P4HA1: variants seen among roughly 807,000 people sequenced by gnomAD.
P4HA1 encodes the protein prolyl 4-hydroxylase subunit alpha-1.
P4HA1 carries 24 observed loss-of-function variants against 72.8 expected under a neutral mutation model. That is an observed-to-expected ratio of 0.33 (90% CI 0.24 to 0.46). The LOEUF (loss-of-function observed/expected upper bound fraction) is 0.46, where lower values mean the gene tolerates loss of function less well. P4HA1 is among the 20% of genes least tolerant of loss of function. P4HA1 has a pLI of 1.00. For synonymous variants in P4HA1, 201 were observed against 218.8 expected (o/e 0.92, Z 0.72); for missense variants, 446 against 640.6 (o/e 0.70, Z 3.28).
At chr10:73,036,393 T>C (rs1840576707) in intron 9 of P4HA1, among the ~76,000 whole-genome samples, 1 of 151,930 alleles carries the variant, frequency 6.6e-6, no homozygotes, top group African/African-American at 2.4e-5. Flanking sequence ...CTCCAAAATA[T>C]AGTAACACTC....
rs756327809 is a variant in P4HA1, at chr10:73,046,967, A to T, written c.1035T>A (p.Ser345=). The change falls in exon 8 of 15, where the codon TCT becomes TCA. Residue 345 remains serine (S), a synonymous_variant. Coordinates refer to ENST00000394890, the MANE Select transcript of P4HA1 (RefSeq NM_001017962.3). ...CTTTGACGATTTCAATTTCTGCATCAGAAATAATATCATGGAAGCGAATAA... is the reference window on the plus strand; with the variant it reads ...CTTTGACGATTTCAATTTCTGCATCTGAAATAATATCATGGAAGCGAATAA... ...PRIIRFHDII[S]DAEIEIVKDL... is the part of the protein sequence containing the mutation. 2 of 1,612,928 alleles carry T rather than the reference A, an allele frequency of 1.2e-6. No homozygotes were observed. The highest frequency in any genetic ancestry group is 1.7e-6 in the Non-Finnish European group (2 of 1,179,292).
At chr10:73,086,752 G>A (rs1261640416) in intron 1 of P4HA1, among the ~76,000 whole-genome samples, 1 of 151,936 alleles carries the variant, frequency 6.6e-6, no homozygotes, top group African/African-American at 2.4e-5. Context: ...GGCCAACATG[G>A]TGAAACCCCA....
chr10:73,069,806 G>GTTTTTTTTTTTTTTTT (rs201651550), intron 4 of P4HA1, among the ~76,000 whole-genome samples: 2 of 147,420 alleles, frequency 1.4e-5, no homozygotes, highest in African/African-American at 5.2e-5. Flanking sequence ...ATAATCAACT[G>GTTTTTTTTTTTTTTTT]TTTTGTTTTT....
intron 10 of P4HA1, among the ~76,000 whole-genome samples, chr10:73,019,299 G>C (rs745993822): frequency 2.0e-5 from 3 of 152,000 alleles, no homozygotes; most frequent in African/African-American, 7.3e-5. Context: ...CAACAGAAGC[G>C]GAAAGTTTAA....
chr10:73,009,971 C>CTTTT, intron 13 of P4HA1, 68 bp from the exon 14 acceptor site: 4 of 653,304 alleles, frequency 6.1e-6, no homozygotes, highest in South Asian at 5.5e-5. Flanking sequence ...GTAGTTATTA[C>CTTTT]TTTTTTTTTT....
intron 8 of P4HA1, 89 bp from the exon 9 acceptor site, chr10:73,045,140 AAAG>A: frequency 9.7e-7 from 1 of 1,026,586 alleles, no homozygotes; most frequent in Non-Finnish European, 1.5e-6. Flanking sequence ...GGGTTTTTAC[AAAG>A]GAGGCTAAAA....
At chr10:73,071,755 AATG>A (rs1245052599) in intron 4 of P4HA1, among the ~76,000 whole-genome samples, 1 of 151,708 alleles carries the variant, frequency 6.6e-6, no homozygotes, top group Admixed American at 6.6e-5. Flanking sequence ...CTAAAATAAA[AATG>A]ATTACCCTCA....
intron 6 of P4HA1, 29 bp downstream of exon 6, chr10:73,053,322 T>C (rs1326254481): frequency 6.2e-7 from 1 of 1,607,242 alleles, no homozygotes; most frequent in East Asian, 2.2e-5. Context: ...AATATAACTA[T>C]AACCTTAAAT....
chr10:73,093,907 T>TATATATACATAC (rs1256283876), intron 1 of P4HA1, among the ~76,000 whole-genome samples: 3 of 55,594 alleles, frequency 5.4e-5, no homozygotes, highest in Non-Finnish European at 8.9e-5. Context: ...TATATATATA[T>TATATATACATAC]ACACACACAC....
At chr10:73,024,231 C>T (rs1230525142) in intron 10 of P4HA1, among the ~76,000 whole-genome samples, 2 of 152,202 alleles carry the variant, frequency 1.3e-5, no homozygotes, top group Non-Finnish European at 2.9e-5. Flanking sequence ...AAACTGACCA[C>T]ATAATTGGAA....
At chr10:73,077,301 CTT>C (rs777986557) in intron 1 of P4HA1, among the ~76,000 whole-genome samples, 2 of 152,204 alleles carry the variant, frequency 1.3e-5, no homozygotes, top group African/African-American at 2.4e-5. Flanking sequence ...GTTGTCTAAA[CTT>C]TTAACTCTGA....
At chr10:73,087,255 G>A (rs1394411734) in intron 1 of P4HA1, among the ~76,000 whole-genome samples, 1 of 147,542 alleles carries the variant, frequency 6.8e-6, no homozygotes, top group Non-Finnish European at 1.5e-5. Context: ...TACTAATGAT[G>A]TTTAATGCCT....
chr10:73,020,846 G>A (rs879686501), intron 10 of P4HA1, among the ~76,000 whole-genome samples: 7 of 152,158 alleles, frequency 4.6e-5, no homozygotes, highest in African/African-American at 1.7e-4. Context: ...AAAAAATTCA[G>A]CATCCTGGCC....
At chr10:73,046,557 T>C (rs1840870084) in intron 8 of P4HA1, among the ~76,000 whole-genome samples, 1 of 152,200 alleles carries the variant, frequency 6.6e-6, no homozygotes. Flanking sequence ...CACGGTATTC[T>C]TTCAGTAAAA....
At chr10:73,020,421 A>G (rs1274340943) in intron 10 of P4HA1, among the ~76,000 whole-genome samples, 3 of 152,094 alleles carry the variant, frequency 2.0e-5, no homozygotes. Flanking sequence ...AAAAACAAAA[A>G]AACAAAAAAA....
chr10:73,053,532 G>A lies in P4HA1; in HGVS notation c.522C>T (p.Ala174=). ...AEDCFELGKV[A]YTEADYYHTE... ...TATGGTAATAATCTGCTTCTGTATA[G>A]GCCACTTTGCCCAACTCAAAGCAGT... is the stretch of plus-strand genomic sequence containing the variant. The change falls in exon 6 of 15, where the codon GCC becomes GCT. Residue 174 remains alanine, a synonymous_variant. Coordinates refer to ENST00000394890, the MANE Select transcript of P4HA1 (RefSeq NM_001017962.3). 2.5e-6 allele frequency: 4 copies of A among 1,613,926 alleles called. No homozygotes were observed. Among genetic ancestry groups the A allele is most frequent in the Non-Finnish European group, 3.4e-6 (4 of 1,179,868 alleles).
intron 7 of P4HA1, among the ~76,000 whole-genome samples, chr10:73,050,696 T>A (rs1161032008): frequency 9.2e-5 from 13 of 141,590 alleles, no homozygotes; most frequent in Admixed American, 2.8e-4. Context: ...TGAGACTCCA[T>A]CTCAAAAAAA....
intron 10 of P4HA1, among the ~76,000 whole-genome samples, chr10:73,025,050 A>C (rs1405516088): frequency 6.6e-6 from 1 of 152,224 alleles, no homozygotes; most frequent in East Asian, 1.9e-4. Context: ...ATTCTATCAG[A>C]GGTACTAAGA....
chr10:73,068,284 C>T (rs977148564), intron 5 of P4HA1, among the ~76,000 whole-genome samples: 5 of 151,942 alleles, frequency 3.3e-5, no homozygotes, highest in Non-Finnish European at 7.4e-5. Context: ...CTGCAGCTGA[C>T]AATAACAGGA....
Sources: allele counts gnomAD v4.1 joint callset (sites outside exome capture counted in the v4.1 genomes callset), GRCh38; gene constraint gnomAD v4.1.1; transcripts MANE v1.5; gene names NCBI Gene and HGNC (gene_info 2026-07-23, HGNC 2026-07-21).